PCDH15: variants seen among roughly 807,000 people sequenced by gnomAD.
PCDH15 encodes the protein protocadherin-15.
Under a neutral mutation model 178.5 loss-of-function variants are expected in PCDH15, and 129 were observed. The observed-to-expected ratio is 0.72, with a 90% CI of 0.63 to 0.84. The LOEUF is 0.84. Ranked by LOEUF, PCDH15 falls within the 40% of genes least tolerant of loss-of-function variation. The pLI is 0.00. For missense variants in PCDH15, 2,230 were observed against 2,099.9 expected (o/e 1.06, Z -1.21); for synonymous variants, 800 against 732.0 (o/e 1.09, Z -1.50).
intron 2 of PCDH15, among the ~76,000 whole-genome samples, chr10:55,584,658 C>CAAAAAAAAA (rs59983365): frequency 2.8e-5 from 2 of 72,266 alleles, no homozygotes; most frequent in Non-Finnish European, 5.3e-5. Context: ...ACTCTGTCTC[C>CAAAAAAAAA]AAAAAAAAAA....
intron 2 of PCDH15, among the ~76,000 whole-genome samples, chr10:55,584,430 G>A (rs1398778946): frequency 6.6e-6 from 1 of 151,600 alleles, no homozygotes; most frequent in African/African-American, 2.4e-5. Context: ...AGACCGACCT[G>A]GGCAGATCAC....
chr10:53,903,185 T>A (rs2082435961), intron 26 of PCDH15, 58 bp downstream of exon 26: 1 of 1,600,124 alleles, frequency 6.2e-7, no homozygotes, highest in African/African-American at 1.3e-5. Context: ...GGCTTACAGC[T>A]TATCTGCAAA....
intron 1 of PCDH15, among the ~76,000 whole-genome samples, chr10:55,300,554 T>G (rs1462026713): frequency 6.6e-6 from 1 of 152,166 alleles, no homozygotes; most frequent in Admixed American, 6.5e-5. Flanking sequence ...ATCAGCACAT[T>G]AAAAATTGGA....
chr10:55,493,045 G>C (rs751501215), intron 2 of PCDH15, among the ~76,000 whole-genome samples: 1 of 151,652 alleles, frequency 6.6e-6, no homozygotes, highest in Non-Finnish European at 1.5e-5. Context: ...AATAAACAGA[G>C]CTTCAGAGAA....
chr10:55,364,395 T>C (rs1251075612), intron 2 of PCDH15, among the ~76,000 whole-genome samples: 1 of 152,226 alleles, frequency 6.6e-6, no homozygotes, highest in Non-Finnish European at 1.5e-5. Context: ...GTCAGCACTT[T>C]AAAAATGTCT....
intron 2 of PCDH15, among the ~76,000 whole-genome samples, chr10:55,021,372 C>T (rs1840322554): frequency 6.6e-6 from 1 of 152,072 alleles, no homozygotes; most frequent in Non-Finnish European, 1.5e-5. Context: ...TATTTTCCAC[C>T]AAAAAGTTAC....
intron 21 of PCDH15, among the ~76,000 whole-genome samples, chr10:53,983,658 G>C (rs750720848): frequency 6.6e-6 from 1 of 152,056 alleles, no homozygotes; most frequent in East Asian, 1.9e-4. Context: ...AACGTAACTC[G>C]ACCCTTAAAG....
intron 2 of PCDH15, among the ~76,000 whole-genome samples, chr10:55,401,862 T>C (rs1838079123): frequency 6.6e-6 from 1 of 152,068 alleles, no homozygotes; most frequent in Non-Finnish European, 1.5e-5. Flanking sequence ...ACAGTTCTCA[T>C]TAAAACGTTT....
chr10:54,948,044 T>C (rs994022864), intron 2 of PCDH15, among the ~76,000 whole-genome samples: 1 of 151,970 alleles, frequency 6.6e-6, no homozygotes, highest in Non-Finnish European at 1.5e-5. Flanking sequence ...ATGTAGCATA[T>C]GCAAGTTGAT....
chr10:54,887,930 C>T (rs559984576), intron 3 of PCDH15, among the ~76,000 whole-genome samples: 136 of 152,158 alleles, frequency 8.9e-4, no homozygotes, highest in Non-Finnish European at 1.6e-3. Context: ...TTCTGCTCTC[C>T]CACAATCAAA....
chr10:54,081,356 T>G (rs936852522), intron 16 of PCDH15, among the ~76,000 whole-genome samples: 4 of 151,872 alleles, frequency 2.6e-5, no homozygotes, highest in Non-Finnish European at 5.9e-5. Flanking sequence ...TATATAATAC[T>G]ATATGTATTA....
intron 2 of PCDH15, among the ~76,000 whole-genome samples, chr10:55,363,837 T>C (rs1427835635): frequency 6.6e-6 from 1 of 151,958 alleles, no homozygotes; most frequent in Non-Finnish European, 1.5e-5. Context: ...GAGATTTCAC[T>C]ATGTTAGCCA....
At chr10:54,579,913 A>T (rs1174129913) in intron 2 of PCDH15, among the ~76,000 whole-genome samples, 2 of 152,022 alleles carry the variant, frequency 1.3e-5, no homozygotes, top group African/African-American at 2.4e-5. Context: ...GGAAATTTAT[A>T]AAATTATTTA....
chr10:55,128,224 C>G (rs1037422785), intron 2 of PCDH15, among the ~76,000 whole-genome samples: 1 of 151,974 alleles, frequency 6.6e-6, no homozygotes, highest in East Asian at 1.9e-4. Context: ...GACTTCCTTA[C>G]TACCATCCTT....
intron 2 of PCDH15, among the ~76,000 whole-genome samples, chr10:54,912,236 T>A (rs1167863156): frequency 2.0e-5 from 3 of 152,038 alleles, no homozygotes; most frequent in African/African-American, 7.2e-5. Flanking sequence ...TAATATGAAA[T>A]TAAAAATTTT....
chr10:54,199,829 G>A (rs1187305835), intron 10 of PCDH15, among the ~76,000 whole-genome samples: 3 of 151,878 alleles, frequency 2.0e-5, no homozygotes, highest in East Asian at 1.9e-4. Context: ...CTATAGTTAC[G>A]AGTTAAACAT....
chr10:54,624,441 A>C (rs2093479978), intron 2 of PCDH15, among the ~76,000 whole-genome samples: 2 of 152,246 alleles, frequency 1.3e-5, no homozygotes, highest in South Asian at 4.1e-4. Flanking sequence ...AAAGTCAGAC[A>C]CTTGTTAAAA....
chr10:53,938,808 A>T lies in PCDH15; in HGVS notation c.3373+7T>A, dbSNP rs2085798962. 1.2e-6 allele frequency: 2 copies of T among 1,612,278 alleles called. No homozygotes were observed. Among genetic ancestry groups the T allele is most frequent in the African/African-American group, 2.7e-5 (2 of 74,904 alleles). Reference sequence around the variant, plus strand: ...TTCTGGTAAAAGCTTTAAGTAGTATAACTTACTTTTTGAAGGAACTCGGAG... The same window carrying T: ...TTCTGGTAAAAGCTTTAAGTAGTATTACTTACTTTTTGAAGGAACTCGGAG... On this transcript the variant is annotated splice_region_variant and intron_variant, in intron 25 of 37. Transcript: ENST00000644397.
chr10:54,433,518 T>G (rs1424633130), intron 3 of PCDH15, among the ~76,000 whole-genome samples: 1 of 152,046 alleles, frequency 6.6e-6, no homozygotes, highest in African/African-American at 2.4e-5. Flanking sequence ...TTAAAACAAC[T>G]GAACTCACAG....
Sources: gnomAD v4.1 joint callset for allele counts (sites outside exome capture counted in the v4.1 genomes callset) on GRCh38, gnomAD v4.1.1 for gene constraint, MANE v1.5 for transcripts, NCBI Gene and HGNC (gene_info 2026-07-23, HGNC 2026-07-21) for gene names.